Variants in MDH1B observed in about 807,000 individuals in gnomAD.
The protein encoded by MDH1B is putative malate dehydrogenase 1B.
In MDH1B, 60 loss-of-function variants were observed where a neutral mutation model predicts 61.4. The ratio of observed to expected loss-of-function variants is 0.98; its 90% confidence interval spans 0.79 to 1.21. The LOEUF is 1.21. MDH1B is among the 50% of genes most tolerant of loss of function. MDH1B has a pLI of 0.00. For missense variants in MDH1B, 587 were observed against 632.1 expected (o/e 0.93, Z 0.76); for synonymous variants, 236 against 218.7 (o/e 1.08, Z -0.70).
At chr2:206,753,139 G>GAGAGA (rs1387975914) in intron 5 of MDH1B, among the ~76,000 whole-genome samples, 1 of 150,708 alleles carries the variant, frequency 6.6e-6, no homozygotes, top group Non-Finnish European at 1.5e-5. Flanking sequence ...GATCAACACA[G>GAGAGA]AGAGCAGAGC....
At chr2:206,760,308 A>G (rs1243499916) in intron 2 of MDH1B, among the ~76,000 whole-genome samples, 1 of 152,198 alleles carries the variant, frequency 6.6e-6, no homozygotes, top group Non-Finnish European at 1.5e-5. Context: ...GGCAGCTGAT[A>G]TCCGATGGCT....
chr2:206,756,825 A>G, intron 4 of MDH1B, 73 bp downstream of exon 4: 2 of 1,535,902 alleles, frequency 1.3e-6, no homozygotes. Context: ...CCATCATGAA[A>G]TTAATCCCAT....
chr2:206,753,823 C>T (rs564423104), intron 5 of MDH1B, among the ~76,000 whole-genome samples: 1 of 152,170 alleles, frequency 6.6e-6, no homozygotes, highest in Non-Finnish European at 1.5e-5. Flanking sequence ...ATGGCACCAG[C>T]AGACCCACAA....
chr2:206,762,182 C>A (rs1238029037), intron 1 of MDH1B, among the ~76,000 whole-genome samples: 2 of 152,168 alleles, frequency 1.3e-5, no homozygotes, highest in Non-Finnish European at 1.5e-5. Flanking sequence ...CTATTCCAGT[C>A]TTTTTCCTCT....
At position 206,739,600 on chromosome 2, in the gene MDH1B, G is replaced by C. The variant is rs1258288678; in HGVS notation, c.1521C>G (p.Phe507Leu). The change falls in exon 11 of 12, where the codon TTC (phenylalanine) becomes TTG (leucine). Residue 507 changes from phenylalanine to leucine, a missense_variant. Phe to Leu is a conservative substitution (Grantham distance 22). Coordinates refer to ENST00000374412, the MANE Select transcript of MDH1B (RefSeq NM_001039845.3). Reference sequence around the variant, plus strand: ...GTTTTGTCTACCACCTACCATTTAGGAACTCAAGACTCTGTGGCTTTTCAA... The same window carrying C: ...GTTTTGTCTACCACCTACCATTTAGCAACTCAAGACTCTGTGGCTTTTCAA... ...TTFEKPQSLE[F>L]LNEFEGKTVE... 6.2e-7 allele frequency: 1 copy of C among 1,613,754 alleles called. No individual in the cohort carries two copies. Among genetic ancestry groups the C allele is most frequent in the Admixed American group, 1.7e-5 (1 of 59,984 alleles).
Position 206,765,152 on chromosome 2 carries a change from G to A in MDH1B, c.22+98C>T, listed in dbSNP as rs1689364800. 3.5e-6 allele frequency: 5 copies of A among 1,425,048 alleles called. 1 individual carries two copies. The highest frequency in any genetic ancestry group is 2.9e-5 in the African/African-American group (2 of 68,036). 88.3% of individuals were successfully genotyped at this position (1,425,048 alleles called of 1,614,324 possible). On this transcript the variant is annotated intron_variant, in intron 1 of 11. Transcript: ENST00000374412. ...TTGAATAAATCTATAGCAAAGCATGGAGCGGTCCGTATAGAGGCTGCCAAG... is the reference window on the plus strand; with the variant it reads ...TTGAATAAATCTATAGCAAAGCATGAAGCGGTCCGTATAGAGGCTGCCAAG...
At position 206,765,273 on chromosome 2, in the gene MDH1B, G is replaced by A. The variant is rs769748139; in HGVS notation, c.-2C>T. ...ACCCGCGATGACGAATTTGGCCATG[G>A]TCGAGAGAGACTCAGAGGCAGGGAC... On this transcript the variant is annotated 5_prime_UTR_variant, in exon 1 of 12. Coordinates refer to ENST00000374412, the MANE Select transcript of MDH1B (RefSeq NM_001039845.3). The A allele has an allele frequency of 6.2e-7, 1 of 1,601,494 alleles. No homozygotes were observed. The highest frequency in any genetic ancestry group is 2.3e-5 in the East Asian group (1 of 43,920).
chr2:206,740,964 G>A (rs1687773551), intron 10 of MDH1B, 90 bp downstream of exon 10: 6 of 1,556,210 alleles, frequency 3.9e-6, no homozygotes, highest in South Asian at 2.4e-5. Flanking sequence ...TGCTTTGGTC[G>A]CTAGACCATA....
intron 1 of MDH1B, among the ~76,000 whole-genome samples, chr2:206,763,426 A>T (rs1431455573): frequency 1.3e-5 from 2 of 151,854 alleles, no homozygotes; most frequent in South Asian, 2.1e-4. Flanking sequence ...ATTGTTTGCC[A>T]CTCTAGGCCA....
intron 1 of MDH1B, among the ~76,000 whole-genome samples, chr2:206,761,725 C>T (rs2105957220): frequency 6.6e-6 from 1 of 152,050 alleles, no homozygotes; most frequent in East Asian, 1.9e-4. Flanking sequence ...AAGTTAAAGC[C>T]ACTACAACAG....
At chr2:206,754,517 GC>G (rs1406852508) in intron 5 of MDH1B, among the ~76,000 whole-genome samples, 3 of 151,968 alleles carry the variant, frequency 2.0e-5, no homozygotes, top group African/African-American at 7.3e-5. Context: ...ACTCTTCTTA[GC>G]ACTTTAGGAA....
At chr2:206,744,840 G>A (rs569049925) in intron 9 of MDH1B, among the ~76,000 whole-genome samples, 4 of 152,112 alleles carry the variant, frequency 2.6e-5, no homozygotes, top group East Asian at 1.9e-4. Context: ...CAGGAGAATC[G>A]CTCGTACCTG....
Position 206,749,045 on chromosome 2 carries a change from A to T in MDH1B, c.1191T>A (p.Ile397=). The change falls in exon 7 of 12, where the codon ATT becomes ATA. Residue 397 remains isoleucine (I), a synonymous_variant. Coordinates refer to ENST00000374412, the MANE Select transcript of MDH1B (RefSeq NM_001039845.3). ...CTTCACTCAATATTCCTAAAGATAC[A>T]ATCTCCCCAGGTGGTGAGCCATGGT... ...YWYHGSPPGE[I]VSLGILSEGQ... 1 of 1,613,788 alleles carries T rather than the reference A, an allele frequency of 6.2e-7. No individual in the cohort carries two copies. Among genetic ancestry groups the T allele is most frequent in the Non-Finnish European group, 8.5e-7 (1 of 1,179,868 alleles).
chr2:206,760,771 T>C (rs1689044170), intron 2 of MDH1B, 130 bp downstream of exon 2: 1 of 568,980 alleles, frequency 1.8e-6, no homozygotes, highest in Middle Eastern at 3.9e-4. Context: ...CTTGTTTTAC[T>C]AGTATTCAAA....
intron 5 of MDH1B, 41 bp from the exon 6 acceptor site, chr2:206,751,116 T>C (rs764022567): frequency 1.4e-6 from 2 of 1,397,290 alleles, no homozygotes; most frequent in Middle Eastern, 2.3e-4. Flanking sequence ...TAATAATGTA[T>C]GTTAATATAA....
Position 206,741,034 on chromosome 2 carries a change from T to A in MDH1B, c.1459+20A>T. ...CGACTATTAGCAATATAGACATTGT[T>A]TATAACCCCACTGACTTACCATCTG... is the stretch of plus-strand genomic sequence containing the variant. On this transcript the variant is annotated intron_variant, in intron 10 of 11. Coordinates refer to ENST00000374412, the MANE Select transcript of MDH1B (RefSeq NM_001039845.3). 6.2e-7 allele frequency: 1 copy of A among 1,613,010 alleles called. No homozygotes were observed. The highest frequency in any genetic ancestry group is 8.5e-7 in the Non-Finnish European group (1 of 1,179,528).
intron 5 of MDH1B, among the ~76,000 whole-genome samples, chr2:206,752,783 C>T: frequency 8.5e-6 from 1 of 117,330 alleles, no homozygotes; most frequent in African/African-American, 3.6e-5. Context: ...GCATGAATTT[C>T]CCCTCCTCCT....
chr2:206,756,872 T>C (rs941053363), intron 4 of MDH1B, 26 bp downstream of exon 4: 1 of 1,609,822 alleles, frequency 6.2e-7, no homozygotes, highest in Admixed American at 1.7e-5. Flanking sequence ...GTAAATCTCA[T>C]GAATCCTGGG....
In MDH1B at chr2:206,741,099, T is replaced by C. The variant is rs753315848; in HGVS notation, c.1414A>G (p.Lys472Glu). The change falls in exon 10 of 12, where the codon AAA becomes GAA. Residue 472 changes from lysine to glutamate, a missense_variant. Transcript: ENST00000374412. ...TTTTCTTCATCAGGGACCAGATCTT[T>C]ATGTCCTGAAATCAAAATTAAATAA... ...IHFQPYQSGHKDLVPDEEKNL... is the reference protein window; with the variant it reads ...IHFQPYQSGHEDLVPDEEKNL... The C allele has an allele frequency of 6.2e-7, 1 of 1,612,710 alleles. No homozygotes were observed. The highest frequency in any genetic ancestry group is 1.1e-5 in the South Asian group (1 of 91,058).
Sources: allele counts gnomAD v4.1 joint callset (sites outside exome capture counted in the v4.1 genomes callset), GRCh38; gene constraint gnomAD v4.1.1; transcripts MANE v1.5; gene names NCBI Gene and HGNC (gene_info 2026-07-23, HGNC 2026-07-21).